Variants in DCC observed in about 807,000 individuals in gnomAD.
DCC encodes the protein DCC netrin 1 receptor.
A neutral mutation model predicts 172.5 loss-of-function variants in DCC; 58 were observed. That is an observed-to-expected ratio of 0.34 (90% CI 0.27 to 0.42). DCC has a LOEUF of 0.42. DCC is among the 10% of genes least tolerant of loss of function. DCC has a pLI of 1.00. For missense variants in DCC, 1,740 were observed against 1,791.0 expected (o/e 0.97, Z 0.51); for synonymous variants, 709 against 644.5 (o/e 1.10, Z -1.52).
At chr18:52,830,111 G>C (rs1658357132) in intron 2 of DCC, among the ~76,000 whole-genome samples, 1 of 152,152 alleles carries the variant, frequency 6.6e-6, no homozygotes, top group African/African-American at 2.4e-5. Context: ...AGCATGAAGG[G>C]AAGTAAGCAA....
intron 27 of DCC, among the ~76,000 whole-genome samples, chr18:53,525,484 C>T (rs778515494): frequency 3.3e-5 from 5 of 151,972 alleles, no homozygotes; most frequent in Non-Finnish European, 7.4e-5. Context: ...TGTTAGGTCA[C>T]GGGATGGGAA....
chr18:52,865,491 T>C (rs1002172317), intron 2 of DCC, among the ~76,000 whole-genome samples: 1 of 152,168 alleles, frequency 6.6e-6, no homozygotes. Context: ...CCACATCCTC[T>C]CCAGCATCAG....
chr18:53,219,957 A>G (rs1003959962), intron 12 of DCC, among the ~76,000 whole-genome samples: 1 of 151,818 alleles, frequency 6.6e-6, no homozygotes, highest in Non-Finnish European at 1.5e-5. Context: ...CTGCAGAAGG[A>G]CATGCTTTTG....
intron 1 of DCC, among the ~76,000 whole-genome samples, chr18:52,675,673 G>T (rs1172175412): frequency 1.3e-5 from 2 of 152,068 alleles, no homozygotes; most frequent in African/African-American, 2.4e-5. Context: ...ACAAAAGAAA[G>T]ATTGTTTTTG....
At chr18:52,781,409 A>C (rs572903062) in intron 2 of DCC, among the ~76,000 whole-genome samples, 12 of 27,460 alleles carry the variant, frequency 4.4e-4, no homozygotes, top group Non-Finnish European at 7.2e-4. Context: ...CCAAACTGCT[A>C]TCTGAGCTTG....
rs2042889496 is a variant in DCC at position 53,086,147 on chromosome 18, C to CCTCCTCCTG, written c.1261+19987_1261+19988insCTGCTCCTC. Among the ~76,000 whole-genome samples the CCTCCTCCTG allele has an allele frequency of 1.9e-4, 4 of 21,138 alleles. 2 individuals are homozygous for CCTCCTCCTG. Among genetic ancestry groups the CCTCCTCCTG allele is most frequent in the Admixed American group, 8.6e-4 (2 of 2,318 alleles). 13.9% of individuals were successfully genotyped at this position (21,138 alleles called of 152,430 possible). ...TCCTCCTCCTCCTCCTCCTCCTCCT[C>CCTCCTCCTG]CTCCTCTTCCTCTTCTCTTCCTCTT... is the stretch of plus-strand genomic sequence containing the variant. On this transcript the variant is annotated intron_variant, in intron 7 of 28. Coordinates refer to ENST00000442544, the MANE Select transcript of DCC (RefSeq NM_005215.4).
At chr18:53,097,716 C>A (rs2043107269) in intron 7 of DCC, among the ~76,000 whole-genome samples, 1 of 152,132 alleles carries the variant, frequency 6.6e-6, no homozygotes, top group South Asian at 2.1e-4. Flanking sequence ...GATTAATATG[C>A]AGGCAAATTC....
intron 1 of DCC, among the ~76,000 whole-genome samples, chr18:52,705,212 G>A (rs559356493): frequency 1.1e-4 from 16 of 152,090 alleles, no homozygotes; most frequent in South Asian, 2.1e-4. Flanking sequence ...AATTGTTGTC[G>A]ATTGCTCAGA....
chr18:52,992,481 C>T (rs2145624531), intron 5 of DCC, among the ~76,000 whole-genome samples: 1 of 152,242 alleles, frequency 6.6e-6, no homozygotes, highest in East Asian at 1.9e-4. Context: ...GAGTCTCCTT[C>T]CAACTACACG....
In DCC at chr18:53,257,946, G is replaced by A. The variant is rs138749711; in HGVS notation, c.1911+42349G>A. Among the ~76,000 whole-genome samples, 73 of 152,240 alleles carry A rather than the reference G, an allele frequency of 4.8e-4. No homozygotes were observed. In the East Asian group the frequency reaches 0.012, roughly 25 times the overall value. On this transcript the variant is annotated intron_variant, in intron 12 of 28. Transcript: ENST00000442544. Reference sequence around the variant, plus strand: ...CTTCCTGGTTTAGTCTTGGGAGGGCGTATGTGTGGAGGCATTTATCCATTT... The same window carrying A: ...CTTCCTGGTTTAGTCTTGGGAGGGCATATGTGTGGAGGCATTTATCCATTT...
chr18:52,428,408 A>G (rs919069818), intron 1 of DCC, among the ~76,000 whole-genome samples: 1 of 152,134 alleles, frequency 6.6e-6, no homozygotes, highest in Admixed American at 6.6e-5. Flanking sequence ...AATGTAACAA[A>G]TGTGTTTGTC....
chr18:52,583,126 C>T (rs1598931660), intron 1 of DCC, among the ~76,000 whole-genome samples: 1 of 152,204 alleles, frequency 6.6e-6, no homozygotes, highest in East Asian at 1.9e-4. Flanking sequence ...AAATCAACAA[C>T]TATAATATCT....
intron 1 of DCC, among the ~76,000 whole-genome samples, chr18:52,500,684 T>C (rs995337353): frequency 8.5e-5 from 13 of 152,208 alleles, no homozygotes; most frequent in African/African-American, 2.9e-4. Flanking sequence ...TTAGCATACA[T>C]TAACATTTCT....
chr18:52,392,453 C>T (rs1986064997), intron 1 of DCC, among the ~76,000 whole-genome samples: 1 of 152,006 alleles, frequency 6.6e-6, no homozygotes, highest in Admixed American at 6.6e-5. Flanking sequence ...GTGAAGTCTT[C>T]TAATGGCAGT....
chr18:52,516,880 C>T (rs1262984800), intron 1 of DCC, among the ~76,000 whole-genome samples: 2 of 152,160 alleles, frequency 1.3e-5, no homozygotes, highest in Non-Finnish European at 2.9e-5. Context: ...CTTAGACCTG[C>T]ATATTACAAT....
rs140782390 is a variant in DCC, at chr18:53,459,457, A to C, written c.3618A>C (p.Ser1206=). 11 of 1,595,368 alleles carry C rather than the reference A, an allele frequency of 6.9e-6. No individual in the cohort carries two copies. Among genetic ancestry groups the C allele is most frequent in the Non-Finnish European group, 8.6e-6 (10 of 1,163,518 alleles). ...TGGGAAGCAAAAGCACCTCTCATTC[A>C]GGTAATTATCTTTTCACTGGCATTA... The part of the protein sequence containing the change: ...TQLGSKSTSH[S]GQDTEEAGSS... Residue 1206 remains serine (S), a splice_region_variant and synonymous_variant, in exon 24 of 29, where the codon TCA becomes TCC. Transcript: ENST00000442544.
intron 1 of DCC, among the ~76,000 whole-genome samples, chr18:52,414,386 T>G (rs1986946583): frequency 6.6e-6 from 1 of 152,146 alleles, no homozygotes; most frequent in Non-Finnish European, 1.5e-5. Context: ...GACTTTAATA[T>G]GAATTCTCTT....
At chr18:52,709,080 T>TG (rs1450883223) in intron 1 of DCC, among the ~76,000 whole-genome samples, 1 of 152,172 alleles carries the variant, frequency 6.6e-6, no homozygotes, top group Non-Finnish European at 1.5e-5. Context: ...CAACAACCCC[T>TG]GCAAGGTACT....
intron 7 of DCC, among the ~76,000 whole-genome samples, chr18:53,124,671 C>T (rs1598825977): frequency 6.6e-6 from 1 of 151,924 alleles, no homozygotes; most frequent in Admixed American, 6.6e-5. Context: ...CTTGCATTTC[C>T]CTTAGTAACA....
Sources: gnomAD v4.1 joint callset for allele counts (sites outside exome capture counted in the v4.1 genomes callset) on GRCh38, gnomAD v4.1.1 for gene constraint, MANE v1.5 for transcripts, NCBI Gene and HGNC (gene_info 2026-07-23, HGNC 2026-07-21) for gene names.